Variants in UFL1 observed in about 807,000 individuals in gnomAD.
UFL1 encodes UFM1 specific ligase 1, also known as E3 UFM1-protein ligase 1.
UFL1 carries 78 observed loss-of-function variants against 99.3 expected under a neutral mutation model. The observed-to-expected ratio is 0.79, with a 90% CI of 0.65 to 0.95. The LOEUF (loss-of-function observed/expected upper bound fraction) is 0.95, where lower values mean the gene tolerates loss of function less well. UFL1 is among the 40% of genes least tolerant of loss of function. The pLI is 0.00. For synonymous variants in UFL1, 335 were observed against 322.2 expected, an observed-to-expected ratio of 1.04 and a Z score of -0.42; for missense variants, 936 against 937.0, an observed-to-expected ratio of 1.00 and a Z score of 0.01.
chr6:96,529,174 G>A (rs9400071), intron 6 of UFL1, among the ~76,000 whole-genome samples: 150,684 of 152,298 alleles, frequency 0.99, 74,564 homozygotes, highest in East Asian at 1. Flanking sequence ...GAAATATTTG[G>A]GTCTGTGTGA....
intron 9 of UFL1, among the ~76,000 whole-genome samples, chr6:96,538,356 C>CT (rs771556940): frequency 2.0e-5 from 3 of 151,686 alleles, no homozygotes; most frequent in Non-Finnish European, 4.4e-5. Flanking sequence ...GAAAAACGAA[C>CT]TATGTGTGCC....
intron 5 of UFL1, 50 bp downstream of exon 5, chr6:96,526,485 A>G (rs1769704501): frequency 1.2e-5 from 18 of 1,469,958 alleles, no homozygotes; most frequent in African/African-American, 5.7e-5. Flanking sequence ...AAGGATTTTA[A>G]ACGAAGACTT....
Position 96,527,192 on chromosome 6 carries a change from T to A in UFL1, c.465+757T>A, listed in dbSNP as rs532208662. Among the ~76,000 whole-genome samples the A allele has an allele frequency of 2.0e-5, 3 of 152,260 alleles. No individual in the cohort carries two copies. The South Asian group carries it at 6.2e-4, about 32-fold the overall frequency. ...TTCATTTGGTAGAGTGGAAAGGACATAAGCTTTTGAGATTTTTAAAAGACC... is the reference window on the plus strand; with the variant it reads ...TTCATTTGGTAGAGTGGAAAGGACAAAAGCTTTTGAGATTTTTAAAAGACC... On this transcript the variant is annotated intron_variant, in intron 5 of 18. Coordinates refer to ENST00000369278, the MANE Select transcript of UFL1 (RefSeq NM_015323.5).
chr6:96,541,130 A>G (rs1769925497), intron 11 of UFL1, among the ~76,000 whole-genome samples: 1 of 151,418 alleles, frequency 6.6e-6, no homozygotes, highest in African/African-American at 2.4e-5. Flanking sequence ...CCTTCGGAAT[A>G]GTAGCCACAG....
intron 3 of UFL1, among the ~76,000 whole-genome samples, 155 bp downstream of exon 3, chr6:96,524,565 C>T (rs4537152): frequency 0.99 from 150,696 of 152,314 alleles, 74,568 homozygotes; most frequent in East Asian, 1. Flanking sequence ...ATTGATTTAA[C>T]AAGTTCTGAT....
chr6:96,542,807 A>G, intron 11 of UFL1, 87 bp from the exon 12 acceptor site: 2 of 1,262,514 alleles, frequency 1.6e-6, no homozygotes, highest in Middle Eastern at 2.1e-4. Flanking sequence ...TTTCTGCTGT[A>G]AAGTTAAATA....
At chr6:96,524,268 T>C in intron 2 of UFL1, 114 bp from the exon 3 acceptor site, 3 of 875,326 alleles carry the variant, frequency 3.4e-6, no homozygotes, top group Non-Finnish European at 5.3e-6. Context: ...TTGATTATTC[T>C]GGCTCTCTGT....
intron 11 of UFL1, among the ~76,000 whole-genome samples, chr6:96,540,989 T>C (rs1349612304): frequency 6.6e-6 from 1 of 151,284 alleles, no homozygotes; most frequent in African/African-American, 2.4e-5. Flanking sequence ...CAGGGTCATA[T>C]TCACCTCAAA....
intron 9 of UFL1, 73 bp downstream of exon 9, chr6:96,537,622 A>G (rs955092132): frequency 7.2e-7 from 1 of 1,389,206 alleles, no homozygotes; most frequent in African/African-American, 1.5e-5. Context: ...GACCATTTAG[A>G]AATTAGGATA....
At chr6:96,536,465 C>T in intron 8 of UFL1, 75 bp downstream of exon 8, 1 of 1,119,454 alleles carries the variant, frequency 8.9e-7, no homozygotes, top group South Asian at 2.2e-5. Context: ...TTATACTAAC[C>T]CTAGAGTCCT....
At chr6:96,538,940 C>T in intron 10 of UFL1, 130 bp downstream of exon 10, 1 of 800,512 alleles carries the variant, frequency 1.2e-6, no homozygotes, top group East Asian at 3.0e-5. Flanking sequence ...TTTAATGTAT[C>T]ATTCGTTTTT....
chr6:96,538,716 CTG>C lies in UFL1; in HGVS notation c.1066_1067del (p.Val356SerfsTer3). 1 of 1,611,684 alleles carries C rather than the reference CTG, an allele frequency of 6.2e-7. No individual in the cohort carries two copies. The highest frequency in any genetic ancestry group is 8.5e-7 in the Non-Finnish European group (1 of 1,178,450). On this transcript the variant is annotated frameshift_variant, in exon 10 of 19. Coordinates refer to ENST00000369278, the MANE Select transcript of UFL1 (RefSeq NM_015323.5). LOFTEE classifies it high-confidence loss of function. ...AGGGCATTCAGCAAACAGGCCTCAACTGTAGTCTTTAGCGACACTGTTGTAGT... is the reference window on the plus strand; with the variant it reads ...AGGGCATTCAGCAAACAGGCCTCAACTAGTCTTTAGCGACACTGTTGTAGT...
rs575799674 is a variant in UFL1, at chr6:96,523,893, A to G, written c.224-489A>G. 4.6e-5 allele frequency among the ~76,000 whole-genome samples: 7 copies of G among 152,300 alleles called. No homozygotes were observed. The East Asian group carries it at 1.2e-3, about 25-fold the overall frequency. ...TCTCTTCATATTATCAGAGTGTAACATTGGTCTTTGTCTTTTTTTATTTAT... is the reference window on the plus strand; with the variant it reads ...TCTCTTCATATTATCAGAGTGTAACGTTGGTCTTTGTCTTTTTTTATTTAT... On this transcript the variant is annotated intron_variant, in intron 2 of 18. Transcript: ENST00000369278.
chr6:96,538,037 A>G (rs990033068), intron 9 of UFL1, among the ~76,000 whole-genome samples: 1 of 151,830 alleles, frequency 6.6e-6, no homozygotes, highest in Non-Finnish European at 1.5e-5. Context: ...ATTATTTTCT[A>G]GTCGGGCCCA....
chr6:96,528,598 G>A lies in UFL1; in HGVS notation c.562G>A (p.Ala188Thr). 6.2e-7 allele frequency: 1 copy of A among 1,613,812 alleles called. No individual in the cohort carries two copies. Among genetic ancestry groups the A allele is most frequent in the Non-Finnish European group, 8.5e-7 (1 of 1,179,822 alleles). Residue 188 changes from alanine (A) to threonine (T), a missense_variant, in exon 6 of 19, where the codon GCA becomes ACA. Ala to Thr is a moderately conservative substitution (Grantham distance 58). Transcript: ENST00000369278. The part of the protein sequence containing the change: ...FTEAFVARHK[A>T]RIRGLFSAIT... ...GGAAGCTTTTGTAGCTCGACATAAA[G>A]CACGTATCCGTGGACTATTCAGTGC... is the stretch of plus-strand genomic sequence containing the variant.
In UFL1 at chr6:96,553,372, C is replaced by A. The variant is rs138225352; in HGVS notation, c.2254C>A (p.Pro752Thr). Residue 752 changes from proline to threonine, a missense_variant, in exon 19 of 19, where the codon CCC becomes ACC. Transcript: ENST00000369278. ...TAAGAAGACTGGGCAGGGAGATTAT[C>A]CCTTGAATAATGAATTAGACAAAGA... ...QSKKTGQGDY[P>T]LNNELDKEQE... 860 of 1,613,646 alleles carry A rather than the reference C, an allele frequency of 5.3e-4. 6 individuals carry two copies. The highest frequency in any genetic ancestry group is 2.3e-5 in the Non-Finnish European group (27 of 1,179,746).
Position 96,548,252 on chromosome 6 carries a change from T to C in UFL1, c.1491T>C (p.Phe497=). Residue 497 remains phenylalanine (F), a synonymous_variant, in exon 13 of 19, where the codon TTT becomes TTC. Transcript: ENST00000369278. ...RKHIQDAPEE[F]ISELAEYLIK... Reference sequence around the variant, plus strand: ...ACATACAAGATGCCCCTGAGGAGTTTATTTCGGAACTTGCTGAGTACTTAA... The same window carrying C: ...ACATACAAGATGCCCCTGAGGAGTTCATTTCGGAACTTGCTGAGTACTTAA... The C allele has an allele frequency of 6.2e-7, 1 of 1,602,730 alleles. No individual in the cohort carries two copies. The highest frequency in any genetic ancestry group is 2.2e-5 in the East Asian group (1 of 44,472).
intron 6 of UFL1, 119 bp from the exon 7 acceptor site, chr6:96,534,144 A>T (rs1005438534): frequency 8.4e-6 from 5 of 596,772 alleles, no homozygotes; most frequent in Non-Finnish European, 1.2e-5. Flanking sequence ...GTAATTTTTG[A>T]CTTTATTTTT....
chr6:96,534,268 C>G lies in UFL1; in HGVS notation c.602C>G (p.Thr201Arg), dbSNP rs371476396. The part of the protein sequence containing the change: ...RGLFSAITRP[T>R]AVNSLISKYG... ...TTTTTTAACTTTCCATAAAGGCCTA[C>G]AGCTGTGAATTCTTTGATTTCAAAA... is the stretch of plus-strand genomic sequence containing the variant. Residue 201 changes from threonine (T) to arginine (R), a missense_variant, in exon 7 of 19, where the codon ACA becomes AGA. Coordinates refer to ENST00000369278, the MANE Select transcript of UFL1 (RefSeq NM_015323.5). 6 of 1,562,620 alleles carry G rather than the reference C, an allele frequency of 3.8e-6. No homozygotes were observed. Among genetic ancestry groups the G allele is most frequent in the African/African-American group, 2.8e-5 (2 of 71,930 alleles).
Sources: allele counts gnomAD v4.1 joint callset (sites outside exome capture counted in the v4.1 genomes callset), GRCh38; gene constraint gnomAD v4.1.1; transcripts MANE v1.5; gene names NCBI Gene and HGNC (gene_info 2026-07-23, HGNC 2026-07-21).